The following GRTP1 variants were observed in gnomAD, a reference collection of about 807,000 sequenced individuals.
GRTP1 encodes growth hormone regulated TBC protein 1.
A neutral mutation model predicts 38.1 loss-of-function variants in GRTP1; 56 were observed. The observed-to-expected ratio is 1.47, with a 90% CI of 1.19 to 1.84. The LOEUF (loss-of-function observed/expected upper bound fraction) is 1.84. GRTP1 is among the 40% of genes most tolerant of loss of function. GRTP1 has a pLI of 0.00. For synonymous variants in GRTP1, 217 were observed against 189.5 expected (o/e 1.14, Z -1.19); for missense variants, 506 against 453.9 (o/e 1.11, Z -1.04).
chr13:113,363,693 A>C, intron 2 of GRTP1, 69 bp downstream of exon 2: 1 of 1,475,762 alleles, frequency 6.8e-7, no homozygotes, highest in Admixed American at 1.9e-5. Flanking sequence ...GGGAGCCCGG[A>C]CTTTGCCCGG....
chr13:113,357,588 G>A (rs974863363), intron 2 of GRTP1, among the ~76,000 whole-genome samples: 11 of 152,204 alleles, frequency 7.2e-5, no homozygotes, highest in African/African-American at 2.6e-4. Context: ...TGAAAAACAT[G>A]TTTTGCTTTA....
chr13:113,336,280 A>G (rs897099282), intron 5 of GRTP1, among the ~76,000 whole-genome samples: 7 of 142,618 alleles, frequency 4.9e-5, no homozygotes, highest in African/African-American at 1.6e-4. Flanking sequence ...AAACACACCC[A>G]GCAGTGGGAA....
intron 3 of GRTP1, among the ~76,000 whole-genome samples, chr13:113,354,805 G>A (rs2043351508): frequency 6.6e-6 from 1 of 152,216 alleles, no homozygotes; most frequent in Admixed American, 6.5e-5. Flanking sequence ...GGGATTACAG[G>A]CGTGAGCCAC....
intron 4 of GRTP1, among the ~76,000 whole-genome samples, chr13:113,347,720 G>A (rs373760956): frequency 1.3e-4 from 14 of 104,354 alleles, no homozygotes; most frequent in Middle Eastern, 7.2e-3. Context: ...GAGCAGACCC[G>A]GGAGGACCTC....
At chr13:113,326,905 C>G (rs1242650643) in intron 5 of GRTP1, among the ~76,000 whole-genome samples, 2 of 152,112 alleles carry the variant, frequency 1.3e-5, no homozygotes, top group Non-Finnish European at 2.9e-5. Context: ...GTGACAGGAC[C>G]GAGTTCAGTC....
chr13:113,346,173 C>T lies in GRTP1; in HGVS notation c.466-1214G>A, dbSNP rs1208972227. On this transcript the variant is annotated intron_variant, in intron 4 of 7. Transcript: ENST00000375431. ...GAGGACCTCTGTGCCTGACAGTGGA[C>T]CCGGGAGGACCTCTGTGGCTGAGAG... is the stretch of plus-strand genomic sequence containing the variant. Among the ~76,000 whole-genome samples the T allele has an allele frequency of 2.9e-4, 37 of 129,414 alleles. 3 individuals carry two copies. Among genetic ancestry groups the T allele is most frequent in the African/African-American group, 8.0e-4 (28 of 35,080 alleles). The allele number at this position is 129,414 out of a possible 152,430, so 84.9% of individuals were successfully genotyped here. A position where few individuals can be genotyped will look rare whatever the true frequency, so the allele number is the denominator to read the frequency against.
At chr13:113,347,925 C>CCT (rs2043195144) in intron 4 of GRTP1, among the ~76,000 whole-genome samples, 3 of 119,484 alleles carry the variant, frequency 2.5e-5, no homozygotes, top group Non-Finnish European at 5.4e-5. Context: ...CAAGAACGGA[C>CCT]CTGGGAGGAC....
intron 2 of GRTP1, among the ~76,000 whole-genome samples, chr13:113,357,767 G>A (rs2043422350): frequency 6.6e-6 from 1 of 152,178 alleles, no homozygotes; most frequent in Non-Finnish European, 1.5e-5. Flanking sequence ...GCAGGAGACG[G>A]TGAGTCCCAG....
At chr13:113,328,255 G>A (rs1013782241) in intron 5 of GRTP1, among the ~76,000 whole-genome samples, 11 of 152,198 alleles carry the variant, frequency 7.2e-5, no homozygotes, top group Non-Finnish European at 1.2e-4. Flanking sequence ...GCTCCGGGAC[G>A]GCACCTGCCT....
chr13:113,344,862 C>A lies in GRTP1; in HGVS notation c.562+1G>T. The A allele has an allele frequency of 1.2e-6, 2 of 1,603,160 alleles. No homozygotes were observed. Among genetic ancestry groups the A allele is most frequent in the Non-Finnish European group, 1.7e-6 (2 of 1,177,406 alleles). On this transcript the variant is annotated splice_donor_variant, in intron 5 of 7. Transcript: ENST00000375431. LOFTEE classifies it high-confidence loss of function. The stretch of plus-strand genomic sequence containing the variant: ...GCATACCGCAGGAATTTTCAACATA[C>A]CTGGTAGTATTCTTCCAACAAGAGC...
At chr13:113,330,248 GA>G (rs2042841664) in intron 5 of GRTP1, among the ~76,000 whole-genome samples, 1 of 145,294 alleles carries the variant, frequency 6.9e-6, no homozygotes, top group South Asian at 2.2e-4. Context: ...TGTGTGCATG[GA>G]AACCCAGGTG....
Position 113,326,090 on chromosome 13 carries a change from A to G in GRTP1, c.564T>C (p.Asp188=). 6.2e-7 allele frequency: 1 copy of G among 1,607,592 alleles called. No homozygotes were observed. The highest frequency in any genetic ancestry group is 8.5e-7 in the Non-Finnish European group (1 of 1,179,858). ...GGCCCAGCATGGCCGGGCTGTAGTAATCTGCCAGGCAATGTGGAGAAAAGA... is the reference window on the plus strand; with the variant it reads ...GGCCCAGCATGGCCGGGCTGTAGTAGTCTGCCAGGCAATGTGGAGAAAAGA... The part of the protein sequence containing the change: ...LDALVGRILP[D]YYSPAMLGLK... Residue 188 remains aspartate, a splice_region_variant and synonymous_variant, in exon 6 of 8, where the codon GAT becomes GAC. Coordinates refer to ENST00000375431, the MANE Select transcript of GRTP1 (RefSeq NM_024719.4).
intron 5 of GRTP1, among the ~76,000 whole-genome samples, chr13:113,330,293 T>G (rs1171267071): frequency 4.9e-5 from 2 of 40,434 alleles, no homozygotes; most frequent in African/African-American, 1.1e-4. Flanking sequence ...GCGTGGAAAC[T>G]CAGGTGCGTG....
rs535493410 is a variant in GRTP1, at chr13:113,343,166, C to T, written c.562+1697G>A. Among the ~76,000 whole-genome samples, 4 of 152,296 alleles carry T rather than the reference C, an allele frequency of 2.6e-5. No homozygotes were observed. Among genetic ancestry groups the T allele is most frequent in the South Asian group, 2.1e-4 (1 of 4,822 alleles). On this transcript the variant is annotated intron_variant, in intron 5 of 7. Transcript: ENST00000375431. The surrounding 1 kb of genome is among the most constrained non-coding windows in gnomAD (Gnocchi z 4.8). The stretch of plus-strand genomic sequence containing the variant: ...GCCATGATTTGCACTCAGACATAAC[C>T]GAAGCAGGCTGTGAGCCCGTTTCCA...
chr13:113,334,457 A>C (rs2042927175), intron 5 of GRTP1, among the ~76,000 whole-genome samples: 1 of 152,174 alleles, frequency 6.6e-6, no homozygotes, highest in Non-Finnish European at 1.5e-5. Flanking sequence ...CAGAGTGATA[A>C]ATCAGTCGTG....
chr13:113,339,762 G>A (rs1469870124), intron 5 of GRTP1: 1 of 152,130 alleles, frequency 6.6e-6, no homozygotes, highest in East Asian at 1.9e-4. Flanking sequence ...CTTCTTTCAA[G>A]CCTTCTTGGC....
chr13:113,352,378 T>TTTATATATATATATATTTA (rs371059232), intron 3 of GRTP1, among the ~76,000 whole-genome samples: 3 of 114,702 alleles, frequency 2.6e-5, no homozygotes, highest in Non-Finnish European at 3.5e-5. Flanking sequence ...ATATATATAT[T>TTTATATATATATATATTTA]TATATATATA....
intron 5 of GRTP1, among the ~76,000 whole-genome samples, chr13:113,334,804 C>T (rs747173891): frequency 2.0e-5 from 3 of 152,250 alleles, no homozygotes; most frequent in Middle Eastern, 3.4e-3. Flanking sequence ...TCTTTAACTT[C>T]TGTAAGTTTG....
In GRTP1 at chr13:113,349,654, G is replaced by A. The variant is rs916010908; in HGVS notation, c.465+1195C>T. 2.0e-5 allele frequency among the ~76,000 whole-genome samples: 3 copies of A among 152,236 alleles called. No individual in the cohort carries two copies. The highest frequency in any genetic ancestry group is 1.3e-4 in the Admixed American group (2 of 15,286). ...GCACGTGGAACAGCTGGTGAGGACAGCGTGGTCCCGTGGCTCTGCTGCTGG... is the reference window on the plus strand; with the variant it reads ...GCACGTGGAACAGCTGGTGAGGACAACGTGGTCCCGTGGCTCTGCTGCTGG... On this transcript the variant is annotated intron_variant, in intron 4 of 7. Coordinates refer to ENST00000375431, the MANE Select transcript of GRTP1 (RefSeq NM_024719.4). This position sits in a 1 kb window ranked among gnomAD's most constrained non-coding sequence, Gnocchi z 5.0.
Sources: gnomAD v4.1 joint callset for allele counts (sites outside exome capture counted in the v4.1 genomes callset) on GRCh38, gnomAD v4.1.1 for gene constraint, Gnocchi (gnomAD v3.1) non-coding constraint, MANE v1.5 for transcripts, NCBI Gene and HGNC (gene_info 2026-07-23, HGNC 2026-07-21) for gene names.